Variants in BLOC1S5 observed in about 807,000 individuals in gnomAD.
BLOC1S5 encodes the protein biogenesis of lysosome-related organelles complex 1 subunit 5.
Under a neutral mutation model 24.3 loss-of-function variants are expected in BLOC1S5, and 27 were observed. The ratio of observed to expected loss-of-function variants is 1.11; its 90% CI spans 0.82 to 1.53. BLOC1S5 has a LOEUF of 1.53. Ranked by LOEUF, BLOC1S5 falls within the 40% of genes most tolerant of loss-of-function variation. The pLI is 0.00. For missense variants in BLOC1S5, 239 were observed against 229.4 expected (o/e 1.04, Z -0.27); for synonymous variants, 84 against 74.5 (o/e 1.13, Z -0.66).
At chr6:8,032,395 A>G (rs2113541939) in intron 3 of BLOC1S5, among the ~76,000 whole-genome samples, 1 of 152,326 alleles carries the variant, frequency 6.6e-6, no homozygotes, top group South Asian at 2.1e-4. Context: ...ATGCAAAGCA[A>G]AACCAGAATT....
chr6:8,022,592 CT>C lies in BLOC1S5; in HGVS notation c.384+3774del, dbSNP rs58841716. Among the ~76,000 whole-genome samples the C allele has an allele frequency of 7.6e-5, 7 of 92,156 alleles. 1 individual carries two copies. In the East Asian group the frequency reaches 1.2e-3, roughly 16 times the overall value. The allele number at this position is 92,156 out of a possible 152,430, so 60.5% of individuals were successfully genotyped here. A position where few individuals can be genotyped will look rare whatever the true frequency, so the allele number is the denominator to read the frequency against. ...TATTTTTTTTTTCTTTTTTTTTTTT[CT>C]TTTTTTTTTGAGACGGAGTCTCGCT... On this transcript the variant is annotated intron_variant, in intron 4 of 4. Transcript: ENST00000397457.
chr6:8,018,989 C>T (rs17143295), intron 4 of BLOC1S5, among the ~76,000 whole-genome samples: 6,511 of 152,244 alleles, frequency 0.043, 451 homozygotes, highest in African/African-American at 0.14. Context: ...GTCTTTAAGA[C>T]GCTGCAATAT....
chr6:8,026,344 T>C (rs9328452), intron 4 of BLOC1S5, 23 bp downstream of exon 4: 990,687 of 1,547,270 alleles, frequency 0.64, 322,216 homozygotes, highest in East Asian at 0.94. Flanking sequence ...ATTATATGCC[T>C]CATTATCTAA....
At chr6:8,058,240 C>G (rs1764382935) in intron 2 of BLOC1S5, among the ~76,000 whole-genome samples, 1 of 151,776 alleles carries the variant, frequency 6.6e-6, no homozygotes, top group African/African-American at 2.4e-5. Flanking sequence ...ACCTTGTAGG[C>G]CGAGCATGGT....
chr6:8,023,480 C>T (rs1012371286), intron 4 of BLOC1S5, among the ~76,000 whole-genome samples: 2 of 151,948 alleles, frequency 1.3e-5, no homozygotes, highest in Admixed American at 6.6e-5. Flanking sequence ...ATCCCAGCTA[C>T]TTAGGAGGCT....
rs150455783 is a variant in BLOC1S5 at position 8,041,367 on chromosome 6, C to T, written c.196-99G>A. The T allele has an allele frequency of 1.7e-4, 209 of 1,201,236 alleles. 2 individuals are homozygous for T. The African/African-American group carries it at 3.6e-3, about 21-fold the overall frequency. The allele number at this position is 1,201,236 out of a possible 1,614,324, so 74.4% of individuals were successfully genotyped here. ...TCGCTCTGTCGCCCAGACTGGAGTGCGGTGGTGTGATCTCAGCTCACTGCA... is the reference window on the plus strand; with the variant it reads ...TCGCTCTGTCGCCCAGACTGGAGTGTGGTGGTGTGATCTCAGCTCACTGCA... On this transcript the variant is annotated intron_variant, in intron 2 of 4. Transcript: ENST00000397457.
chr6:8,032,264 G>T (rs1250860852), intron 3 of BLOC1S5, among the ~76,000 whole-genome samples: 1 of 151,988 alleles, frequency 6.6e-6, no homozygotes, highest in Non-Finnish European at 1.5e-5. Flanking sequence ...AAACAAATCA[G>T]CAAGAGAAAA....
chr6:8,045,245 G>A (rs912893473), intron 2 of BLOC1S5, among the ~76,000 whole-genome samples: 4 of 152,258 alleles, frequency 2.6e-5, no homozygotes, highest in Admixed American at 2.0e-4. Flanking sequence ...GGCTTTGGCA[G>A]CTTCCAAGTA....
intron 2 of BLOC1S5, among the ~76,000 whole-genome samples, chr6:8,043,326 T>C (rs888610775): frequency 6.6e-6 from 1 of 152,152 alleles, no homozygotes; most frequent in Non-Finnish European, 1.5e-5. Flanking sequence ...AATGCAATAA[T>C]ACCTCAACCA....
chr6:8,039,554 C>T (rs561843086), intron 3 of BLOC1S5, among the ~76,000 whole-genome samples: 1 of 151,972 alleles, frequency 6.6e-6, no homozygotes, highest in Admixed American at 6.6e-5. Flanking sequence ...CATAAGTACC[C>T]CCAAAATACG....
At chr6:8,036,538 T>C (rs1211577782) in intron 3 of BLOC1S5, among the ~76,000 whole-genome samples, 3 of 152,122 alleles carry the variant, frequency 2.0e-5, no homozygotes, top group Non-Finnish European at 1.5e-5. Flanking sequence ...TAAAGTCTCC[T>C]ATCGAAGAAA....
chr6:8,044,678 T>C (rs1330541023), intron 2 of BLOC1S5, among the ~76,000 whole-genome samples: 1 of 152,212 alleles, frequency 6.6e-6, no homozygotes, highest in Non-Finnish European at 1.5e-5. Flanking sequence ...CATGAGGAAC[T>C]TGTTGGGAAC....
chr6:8,044,556 C>T (rs563146423), intron 2 of BLOC1S5, among the ~76,000 whole-genome samples: 5 of 152,196 alleles, frequency 3.3e-5, no homozygotes, highest in South Asian at 4.1e-4. Flanking sequence ...CAGAAGAAGA[C>T]AGGAAAATGT....
At chr6:8,040,921 A>ATTGTC (rs1295586680) in intron 3 of BLOC1S5, among the ~76,000 whole-genome samples, 2 of 152,058 alleles carry the variant, frequency 1.3e-5, no homozygotes, top group Non-Finnish European at 2.9e-5. Flanking sequence ...TACTAAACAG[A>ATTGTC]TTGTCTCGTG....
At chr6:8,055,284 A>G (rs2113598670) in intron 2 of BLOC1S5, among the ~76,000 whole-genome samples, 1 of 152,264 alleles carries the variant, frequency 6.6e-6, no homozygotes, top group South Asian at 2.1e-4. Context: ...AAAATACAAA[A>G]ATCAGCCAGG....
intron 3 of BLOC1S5, chr6:8,027,230 T>C (rs575499246): frequency 2.5e-6 from 1 of 397,894 alleles, no homozygotes; most frequent in African/African-American, 2.1e-5. Flanking sequence ...AGACATGTAG[T>C]GTGCAGGTTA....
Position 8,026,433 on chromosome 6 carries a change from GAA to G in BLOC1S5, c.326-10_326-9del. 2 of 1,612,266 alleles carry G rather than the reference GAA, an allele frequency of 1.2e-6. No individual in the cohort carries two copies. The highest frequency in any genetic ancestry group is 1.7e-6 in the Non-Finnish European group (2 of 1,179,030). On this transcript the variant is annotated splice_polypyrimidine_tract_variant and intron_variant, in intron 3 of 4. Transcript: ENST00000397457. ...AGTCATTAGCTGCTTGCACTGAAAT[GAA>G]AAAGACATGGGTTTTCAGTCAGCAG...
intron 3 of BLOC1S5, among the ~76,000 whole-genome samples, chr6:8,039,221 T>C (rs1387604859): frequency 6.6e-6 from 1 of 152,178 alleles, no homozygotes; most frequent in Middle Eastern, 3.2e-3. Context: ...CTCACTCGTA[T>C]GTGAGAGCTA....
intron 1 of BLOC1S5, among the ~76,000 whole-genome samples, chr6:8,063,244 T>C (rs903665240): frequency 1.3e-5 from 2 of 152,114 alleles, no homozygotes; most frequent in Non-Finnish European, 2.9e-5. Flanking sequence ...CTAGTGCAAT[T>C]AGAGCAAGAC....
Sources: allele counts gnomAD v4.1 joint callset (sites outside exome capture counted in the v4.1 genomes callset), GRCh38; gene constraint gnomAD v4.1.1; transcripts MANE v1.5; gene names NCBI Gene and HGNC (gene_info 2026-07-23, HGNC 2026-07-21).